The following TBC1D32 variants were observed in gnomAD, a reference collection of about 807,000 sequenced individuals.
The protein encoded by TBC1D32 is TBC1 domain family member 32.
In TBC1D32, 151 loss-of-function variants were observed where a neutral mutation model predicts 170.3. That is an observed-to-expected ratio of 0.89 (90% CI 0.78 to 1.01). TBC1D32 has a LOEUF of 1.01. TBC1D32 is among the 50% of genes least tolerant of loss of function. The pLI, the probability that TBC1D32 is intolerant of heterozygous loss-of-function variation, is 0.00. For missense variants in TBC1D32, 1,464 were observed against 1,457.1 expected (o/e 1.00, Z -0.08); for synonymous variants, 498 against 488.0 (o/e 1.02, Z -0.27).
chr6:121,147,603 T>G (rs1001956827), intron 24 of TBC1D32, among the ~76,000 whole-genome samples: 7 of 151,740 alleles, frequency 4.6e-5, no homozygotes, highest in Admixed American at 3.3e-4. Flanking sequence ...ATTTTTTTAT[T>G]TTTTTTGAGA....
intron 29 of TBC1D32, among the ~76,000 whole-genome samples, chr6:121,111,504 A>G (rs900980086): frequency 1.3e-5 from 2 of 152,178 alleles, no homozygotes; most frequent in African/African-American, 4.8e-5. Context: ...AAAGGAATAG[A>G]ATTACTCAAA....
At chr6:121,259,103 G>A (rs1173853627) in intron 15 of TBC1D32, among the ~76,000 whole-genome samples, 1 of 152,008 alleles carries the variant, frequency 6.6e-6, no homozygotes, top group Non-Finnish European at 1.5e-5. Flanking sequence ...TTCGAGACCA[G>A]CCTGGACAAC....
chr6:121,137,740 G>T (rs2128222767), intron 24 of TBC1D32, among the ~76,000 whole-genome samples: 1 of 152,014 alleles, frequency 6.6e-6, no homozygotes, highest in African/African-American at 2.4e-5. Flanking sequence ...TAGAAAGAGA[G>T]ACTATACAGA....
At chr6:121,150,594 G>C (rs1326210356) in intron 24 of TBC1D32, among the ~76,000 whole-genome samples, 1 of 152,136 alleles carries the variant, frequency 6.6e-6, no homozygotes, top group African/African-American at 2.4e-5. Flanking sequence ...GCTCCTCTTT[G>C]TACCTCTGGC....
chr6:121,276,486 C>T (rs1319713332), intron 15 of TBC1D32, among the ~76,000 whole-genome samples: 1 of 151,824 alleles, frequency 6.6e-6, no homozygotes, highest in East Asian at 1.9e-4. Flanking sequence ...AACGCTCAAT[C>T]AAAGCCAGAT....
chr6:121,120,248 C>G (rs1419906008), intron 26 of TBC1D32, among the ~76,000 whole-genome samples: 1 of 152,044 alleles, frequency 6.6e-6, no homozygotes, highest in Admixed American at 6.6e-5. Flanking sequence ...CAGGGTTTAT[C>G]TGCCTAGCTA....
chr6:121,114,170 T>TCA (rs749418832), intron 27 of TBC1D32, among the ~76,000 whole-genome samples: 42 of 151,576 alleles, frequency 2.8e-4, no homozygotes, highest in Middle Eastern at 6.8e-3. Flanking sequence ...CGAGATTCCA[T>TCA]CACACACACA....
chr6:121,292,194 C>T lies in TBC1D32; in HGVS notation c.1232-1G>A, dbSNP rs1804965441. ...TAGTAGAAAGTTTTCTGCTTGTTTCCTTAAAAGAGAAGCAAACACGAATAT... is the reference window on the plus strand; with the variant it reads ...TAGTAGAAAGTTTTCTGCTTGTTTCTTTAAAAGAGAAGCAAACACGAATAT... On this transcript the variant is annotated splice_acceptor_variant, in intron 11 of 31. Transcript: ENST00000398212. LOFTEE classifies it high-confidence loss of function. 6.3e-7 allele frequency: 1 copy of T among 1,580,022 alleles called. No individual in the cohort carries two copies. The highest frequency in any genetic ancestry group is 8.6e-7 in the Non-Finnish European group (1 of 1,162,628).
intron 22 of TBC1D32, among the ~76,000 whole-genome samples, chr6:121,186,952 C>T (rs563553598): frequency 2.4e-4 from 36 of 152,022 alleles, no homozygotes; most frequent in African/African-American, 8.4e-4. Flanking sequence ...GTCCTGCCAA[C>T]AGTAAGCACT....
chr6:121,170,491 A>T, intron 22 of TBC1D32: 1 of 1,606,788 alleles, frequency 6.2e-7, no homozygotes, highest in Non-Finnish European at 8.5e-7. Context: ...CTAACAGGAG[A>T]AGAGTGTCCA....
chr6:121,171,275 CA>C (rs1468760283), intron 22 of TBC1D32, among the ~76,000 whole-genome samples: 1 of 109,584 alleles, frequency 9.1e-6, no homozygotes, highest in African/African-American at 3.5e-5. Flanking sequence ...GTTCAGAAAA[CA>C]AAAAGTCTTA....
intron 24 of TBC1D32, among the ~76,000 whole-genome samples, chr6:121,157,566 T>C (rs1785066555): frequency 6.6e-6 from 1 of 152,196 alleles, no homozygotes; most frequent in Non-Finnish European, 1.5e-5. Context: ...TTGGTTGTTT[T>C]ATAGACTTGA....
At chr6:121,282,307 A>G (rs1479307303) in intron 13 of TBC1D32, among the ~76,000 whole-genome samples, 1 of 151,696 alleles carries the variant, frequency 6.6e-6, no homozygotes, top group Non-Finnish European at 1.5e-5. Flanking sequence ...TCACTGAATT[A>G]AATGATTTTC....
chr6:121,215,644 CTT>C (rs1793723967), intron 21 of TBC1D32, among the ~76,000 whole-genome samples: 2 of 116,872 alleles, frequency 1.7e-5, no homozygotes, highest in African/African-American at 6.4e-5. Flanking sequence ...CTATAAGAAA[CTT>C]AAAGAAATTT....
At chr6:121,199,257 G>A (rs1791225128) in intron 22 of TBC1D32, among the ~76,000 whole-genome samples, 1 of 151,314 alleles carries the variant, frequency 6.6e-6, no homozygotes, top group Non-Finnish European at 1.5e-5. Flanking sequence ...AGAAAATTGA[G>A]ATTCAATCGT....
At chr6:121,099,218 A>G (rs1192065604) in intron 30 of TBC1D32, among the ~76,000 whole-genome samples, 1 of 151,978 alleles carries the variant, frequency 6.6e-6, no homozygotes, top group Non-Finnish European at 1.5e-5. Flanking sequence ...AAGGAATTAT[A>G]AAAGATGAAT....
intron 26 of TBC1D32, chr6:121,115,578 T>A (rs1348187917): frequency 5.8e-6 from 1 of 173,708 alleles, no homozygotes; most frequent in East Asian, 1.5e-4. Flanking sequence ...ATGCAATGCA[T>A]ACATAAAACT....
chr6:121,293,480 CA>C (rs1449773169), intron 11 of TBC1D32, among the ~76,000 whole-genome samples: 1 of 152,062 alleles, frequency 6.6e-6, no homozygotes, highest in African/African-American at 2.4e-5. Flanking sequence ...GTCATACTCT[CA>C]AAAGAGCTTA....
chr6:121,116,228 A>G (rs1779664570), intron 26 of TBC1D32, among the ~76,000 whole-genome samples: 1 of 149,836 alleles, frequency 6.7e-6, no homozygotes, highest in Non-Finnish European at 1.5e-5. Flanking sequence ...AGTATAATCT[A>G]TTTCACTTCC....
Sources: gnomAD v4.1 joint callset for allele counts (sites outside exome capture counted in the v4.1 genomes callset) on GRCh38, gnomAD v4.1.1 for gene constraint, MANE v1.5 for transcripts, NCBI Gene and HGNC (gene_info 2026-07-23, HGNC 2026-07-21) for gene names.